Variants in DICER1 observed in about 807,000 individuals in gnomAD.
DICER1 encodes the protein dicer 1, ribonuclease III, also known as endoribonuclease Dicer.
DICER1 carries 43 observed loss-of-function variants against 194.1 expected under a neutral mutation model. The observed-to-expected ratio is 0.22, with a 90% confidence interval of 0.17 to 0.29. The LOEUF is 0.29. Ranked by LOEUF, DICER1 falls within the 10% of genes least tolerant of loss-of-function variation. The pLI is 1.00. For missense variants in DICER1, 1,608 were observed against 2,317.0 expected (o/e 0.69, Z 6.28); for synonymous variants, 832 against 820.5 (o/e 1.01, Z -0.24).
At chr14:95,099,677 C>CA in intron 22 of DICER1, 103 bp downstream of exon 22, 23 of 1,438,526 alleles carry the variant, frequency 1.6e-5, no homozygotes, top group Non-Finnish European at 2.0e-5. Context: ...GAAAATGAAA[C>CA]AAAAAATTAA....
At chr14:95,107,488 G>T in intron 17 of DICER1, 120 bp downstream of exon 17, 1 of 938,708 alleles carries the variant, frequency 1.1e-6, no homozygotes. Context: ...CTGACCTCAT[G>T]ATCTGCCCGC....
intron 9 of DICER1, 131 bp from the exon 10 acceptor site, chr14:95,116,826 C>G (rs561964211): frequency 2.2e-6 from 2 of 925,790 alleles, no homozygotes; most frequent in African/African-American, 1.6e-5. Flanking sequence ...ATCCTTAAGG[C>G]CAGGCTAAAG....
intron 15 of DICER1, 63 bp downstream of exon 15, chr14:95,108,261 T>C (rs1294870780): frequency 4.6e-6 from 7 of 1,525,032 alleles, no homozygotes; most frequent in Non-Finnish European, 6.3e-6. Context: ...CTACTAGTTT[T>C]TTTTTTTTTC....
intron 8 of DICER1, among the ~76,000 whole-genome samples, chr14:95,120,844 G>C (rs1892879358): frequency 6.6e-6 from 1 of 152,156 alleles, no homozygotes; most frequent in Admixed American, 6.5e-5. Flanking sequence ...AATACATATA[G>C]ATATATCCCT....
In DICER1 at chr14:95,090,301, AACT is replaced by A; in HGVS notation, c.*194_*196del. 1 of 632,926 alleles carries A rather than the reference AACT, an allele frequency of 1.6e-6. No homozygotes were observed. The highest frequency in any genetic ancestry group is 2.7e-6 in the Non-Finnish European group (1 of 368,196). The allele number at this position is 632,926 out of a possible 1,614,324, so 39.2% of individuals were successfully genotyped here. ...AGATTGTGTTTGCGCAAAAAACTAAAACTACAATTAGTTCCAAAATTTTATACA... is the reference window on the plus strand; with the variant it reads ...AGATTGTGTTTGCGCAAAAAACTAAAACAATTAGTTCCAAAATTTTATACA... On this transcript the variant is annotated 3_prime_UTR_variant, in exon 27 of 27. Coordinates refer to ENST00000343455, the MANE Select transcript of DICER1 (RefSeq NM_177438.3).
At chr14:95,127,682 G>A (rs1361551528) in intron 6 of DICER1, among the ~76,000 whole-genome samples, 2 of 152,202 alleles carry the variant, frequency 1.3e-5, no homozygotes, top group Admixed American at 1.3e-4. Context: ...TCAGATTTTG[G>A]AGCATTTTGA....
chr14:95,109,696 CA>C (rs1191388614), intron 14 of DICER1, among the ~76,000 whole-genome samples: 1 of 152,238 alleles, frequency 6.6e-6, no homozygotes, highest in Admixed American at 6.5e-5. Flanking sequence ...AAGCTGGGTG[CA>C]AAATTTTATA....
rs1889591764 is a variant in DICER1 at position 95,089,342 on chromosome 14, G to A, written c.*1156C>T. 3 of 233,026 alleles carry A rather than the reference G, an allele frequency of 1.3e-5. No individual in the cohort carries two copies. In the East Asian group the frequency reaches 1.8e-4, roughly 14 times the overall value. The allele number at this position is 233,026 out of a possible 1,614,324, so 14.4% of individuals were successfully genotyped here. A position where few individuals can be genotyped will look rare whatever the true frequency, so the allele number is the denominator to read the frequency against. ...CGGCATTAACAGCACAGCTTTGGTA[G>A]GTGAAATATGCATGCAACATTATGA... On this transcript the variant is annotated 3_prime_UTR_variant, in exon 27 of 27. Coordinates refer to ENST00000343455, the MANE Select transcript of DICER1 (RefSeq NM_177438.3).
chr14:95,107,379 T>C (rs560593251), intron 17 of DICER1, among the ~76,000 whole-genome samples: 1 of 151,744 alleles, frequency 6.6e-6, no homozygotes, highest in East Asian at 1.9e-4. Context: ...GCCTCCCGAG[T>C]AACTGGGACT....
rs1893821762 is a variant in DICER1, at chr14:95,130,078, G to C, written c.553C>G (p.Pro185Ala). ...DECHLAILDH[P>A]YREIMKLCEN... is the part of the protein sequence containing the mutation. ...CTTACCTTCATAATTTCTCGATAGG[G>C]GTGGTCTAGGATTGCAAGATGACAC... The change falls in exon 5 of 27, where the codon CCC becomes GCC. Residue 185 changes from proline (P) to alanine (A), a missense_variant. Physicochemically the swap from Pro to Ala is conservative, Grantham distance 27. Around this residue, in one of 10 missense-constraint regions of DICER1, gnomAD observed 657 missense variants for 910.1 expected, o/e 0.72. Coordinates refer to ENST00000343455, the MANE Select transcript of DICER1 (RefSeq NM_177438.3). The C allele has an allele frequency of 6.2e-7, 1 of 1,613,380 alleles. No individual in the cohort carries two copies. The highest frequency in any genetic ancestry group is 8.5e-7 in the Non-Finnish European group (1 of 1,179,672).
chr14:95,128,255 A>C (rs918937950), intron 6 of DICER1, among the ~76,000 whole-genome samples: 1 of 152,218 alleles, frequency 6.6e-6, no homozygotes, highest in African/African-American at 2.4e-5. Context: ...TCAACCAAAG[A>C]GTCCTTATTT....
At chr14:95,137,007 T>C (rs561371681) in intron 1 of DICER1, among the ~76,000 whole-genome samples, 21 of 150,920 alleles carry the variant, frequency 1.4e-4, no homozygotes, top group African/African-American at 5.1e-4. Context: ...ATCACTATTA[T>C]CACTTCCTGT....
At chr14:95,110,344 A>T (rs1312045241) in intron 14 of DICER1, among the ~76,000 whole-genome samples, 1 of 152,192 alleles carries the variant, frequency 6.6e-6, no homozygotes, top group Admixed American at 6.5e-5. Context: ...CGGACAGGAC[A>T]CCACTCTGTG....
Position 95,133,421 on chromosome 14 carries a change from C to T in DICER1, c.38G>A (p.Gly13Asp), listed in dbSNP as rs1060503610. The change falls in exon 2 of 27, where the codon GGC becomes GAC. Residue 13 changes from glycine (G) to aspartate (D), a missense_variant. Gly to Asp is a moderately conservative substitution (Grantham distance 94). Around this residue, in one of 10 missense-constraint regions of DICER1, gnomAD observed 657 missense variants for 910.1 expected, o/e 0.72. Coordinates refer to ENST00000343455, the MANE Select transcript of DICER1 (RefSeq NM_177438.3). ...GGAAGCAGGGGTCATGAGCTGCAGGCCTGCCATGCTGAGGGGTTGCAAAGC... is the reference window on the plus strand; with the variant it reads ...GGAAGCAGGGGTCATGAGCTGCAGGTCTGCCATGCTGAGGGGTTGCAAAGC... ...SPALQPLSMA[G>D]LQLMTPASSP... 6.2e-7 allele frequency: 1 copy of T among 1,613,988 alleles called. No individual in the cohort carries two copies. The highest frequency in any genetic ancestry group is 8.5e-7 in the Non-Finnish European group (1 of 1,179,942).
intron 14 of DICER1, among the ~76,000 whole-genome samples, chr14:95,111,085 T>A (rs1006475008): frequency 6.6e-6 from 1 of 152,130 alleles, no homozygotes; most frequent in Non-Finnish European, 1.5e-5. Flanking sequence ...CCAAGAATCC[T>A]TTTGAGAAGA....
chr14:95,145,873 C>T (rs1386103935), intron 1 of DICER1, among the ~76,000 whole-genome samples: 1 of 151,930 alleles, frequency 6.6e-6, no homozygotes, highest in Non-Finnish European at 1.5e-5. Context: ...GCACATTAAC[C>T]TAGTCATTAC....
chr14:95,090,072 G>T lies in DICER1; in HGVS notation c.*426C>A. ...CAACTACTGCAGGACTGGCACTACT[G>T]CACACACGGAGAGATGGAGAAGAAT... On this transcript the variant is annotated 3_prime_UTR_variant, in exon 27 of 27. Coordinates refer to ENST00000343455, the MANE Select transcript of DICER1 (RefSeq NM_177438.3). 1 of 350,602 alleles carries T rather than the reference G, an allele frequency of 2.9e-6. No individual in the cohort carries two copies. The highest frequency in any genetic ancestry group is 3.6e-5 in the South Asian group (1 of 27,458). 21.7% of individuals were successfully genotyped at this position (350,602 alleles called of 1,614,324 possible).
intron 1 of DICER1, among the ~76,000 whole-genome samples, chr14:95,156,396 A>G (rs1895867487): frequency 6.6e-6 from 1 of 152,184 alleles, no homozygotes; most frequent in Non-Finnish European, 1.5e-5. Context: ...TCTCTCCACA[A>G]AAGCACGGAG....
chr14:95,132,535 G>A lies in DICER1; in HGVS notation c.287C>T (p.Thr96Met), dbSNP rs770567567. Residue 96 changes from threonine (T) to methionine (M), a missense_variant, in exon 3 of 27, where the codon ACG becomes ATG. By Grantham distance (81) the Thr-to-Met change is moderately conservative. Coordinates refer to ENST00000343455, the MANE Select transcript of DICER1 (RefSeq NM_177438.3). ...RGDFSRNGKR[T>M]VFLVNSANQV... Reference sequence around the variant, plus strand: ...ATTACCAGAGTTGACCAAGAACACCGTCCTTTTTCCATTTCTGCTGAAGTC... The same window carrying A: ...ATTACCAGAGTTGACCAAGAACACCATCCTTTTTCCATTTCTGCTGAAGTC... 7 of 1,613,758 alleles carry A rather than the reference G, an allele frequency of 4.3e-6. No individual in the cohort carries two copies. The highest frequency in any genetic ancestry group is 1.1e-5 in the South Asian group (1 of 91,078).
Sources: gnomAD v4.1 joint callset for allele counts (sites outside exome capture counted in the v4.1 genomes callset) on GRCh38, gnomAD v4.1.1 for gene constraint, gnomAD v4.1.1 regional missense constraint, MANE v1.5 for transcripts, NCBI Gene and HGNC (gene_info 2026-07-23, HGNC 2026-07-21) for gene names.